Variants in GALNT14 observed in about 807,000 individuals in gnomAD.
The protein encoded by GALNT14 is polypeptide N-acetylgalactosaminyltransferase 14.
Under a neutral mutation model 77.5 loss-of-function variants are expected in GALNT14, and 60 were observed. The ratio of observed to expected loss-of-function variants is 0.77; its 90% CI spans 0.63 to 0.96. The LOEUF is 0.96. Among genes scored for constraint, GALNT14 ranks in the 40% least tolerant of loss-of-function variants. GALNT14 has a pLI of 0.00. For missense variants in GALNT14, 710 were observed against 731.0 expected (o/e 0.97, Z 0.33); for synonymous variants, 280 against 281.7 (o/e 0.99, Z 0.06).
chr2:31,100,921 T>C (rs1677242457), intron 1 of GALNT14, among the ~76,000 whole-genome samples: 1 of 152,072 alleles, frequency 6.6e-6, no homozygotes, highest in African/African-American at 2.4e-5. Context: ...CCCTATTTTA[T>C]AATGGAGTGT....
intron 13 of GALNT14, among the ~76,000 whole-genome samples, chr2:30,914,400 C>T (rs1446731852): frequency 2.0e-5 from 3 of 152,126 alleles, no homozygotes; most frequent in African/African-American, 7.2e-5. Flanking sequence ...ACATTAAAAC[C>T]AAAGATCAGC....
intron 1 of GALNT14, among the ~76,000 whole-genome samples, chr2:31,082,164 G>C (rs1253077193): frequency 6.6e-6 from 1 of 152,242 alleles, no homozygotes; most frequent in African/African-American, 2.4e-5. Flanking sequence ...AAATCGGGCA[G>C]AGTCCTGGGA....
chr2:31,048,363 G>T (rs1573239700), intron 1 of GALNT14, among the ~76,000 whole-genome samples: 2 of 152,310 alleles, frequency 1.3e-5, no homozygotes, highest in African/African-American at 4.8e-5. Context: ...ATGTGCACCA[G>T]CCACTTCTCC....
intron 1 of GALNT14, among the ~76,000 whole-genome samples, chr2:31,040,562 G>A (rs1191264180): frequency 1.3e-5 from 2 of 152,210 alleles, no homozygotes; most frequent in African/African-American, 4.8e-5. Context: ...CTCCCAGCCT[G>A]AGTTCTCAAG....
At chr2:31,061,390 C>T (rs1320387928) in intron 1 of GALNT14, among the ~76,000 whole-genome samples, 1 of 152,130 alleles carries the variant, frequency 6.6e-6, no homozygotes, top group Non-Finnish European at 1.5e-5. Context: ...CTCTTCCTCT[C>T]TCTCATTTAA....
At chr2:30,909,573 A>G (rs1374955652), downstream of GALNT14, among the ~76,000 whole-genome samples, 1 of 150,864 alleles carries the variant, frequency 6.6e-6, no homozygotes, top group Non-Finnish European at 1.5e-5. Flanking sequence ...GGTGCTGGAG[A>G]GGATGTGGAG....
At chr2:31,089,657 G>A (rs1433414391) in intron 1 of GALNT14, among the ~76,000 whole-genome samples, 1 of 152,098 alleles carries the variant, frequency 6.6e-6, no homozygotes, top group Admixed American at 6.5e-5. Context: ...AGAAAGCAGA[G>A]GGTTATTTTC....
chr2:31,041,106 T>C (rs150303842), intron 1 of GALNT14, among the ~76,000 whole-genome samples: 47 of 152,146 alleles, frequency 3.1e-4, no homozygotes, highest in African/African-American at 1.1e-3. Context: ...GCAGCACGTG[T>C]CAATAATAAA....
chr2:30,955,692 T>A lies in GALNT14; in HGVS notation c.580A>T (p.Thr194Ser), dbSNP rs766279646. Reference protein sequence around the residue: ...IRGADIAQGTTLTFLDSHCEV... With the variant: ...IRGADIAQGTSLTFLDSHCEV... ...CAGTGGCTGTCGAGGAAAGTCAGAG[T>A]GGTGCCCTGGGCGATGTCAGCGCCC... is the stretch of plus-strand genomic sequence containing the variant. The change falls in exon 6 of 15, where the codon ACT (threonine) becomes TCT (serine). Residue 194 changes from threonine to serine, a missense_variant. Coordinates refer to ENST00000349752, the MANE Select transcript of GALNT14 (RefSeq NM_024572.4). 1.2e-5 allele frequency: 19 copies of A among 1,614,020 alleles called. No individual in the cohort carries two copies. Among genetic ancestry groups the A allele is most frequent in the Non-Finnish European group, 1.4e-5 (17 of 1,180,034 alleles).
chr2:31,090,791 G>C (rs372177381), intron 1 of GALNT14, among the ~76,000 whole-genome samples: 1 of 151,292 alleles, frequency 6.6e-6, no homozygotes, highest in Non-Finnish European at 1.5e-5. Context: ...AAGATGAAGG[G>C]AAGGCAGTCC....
intron 13 of GALNT14, 152 bp from the exon 14 acceptor site, chr2:30,912,494 G>A: frequency 1.2e-6 from 1 of 866,856 alleles, no homozygotes; most frequent in Non-Finnish European, 1.8e-6. Flanking sequence ...CTTGGAAAAT[G>A]CTACTCAAGT....
chr2:30,933,885 A>G (rs1665895292), intron 9 of GALNT14, among the ~76,000 whole-genome samples: 1 of 152,220 alleles, frequency 6.6e-6, no homozygotes, highest in Non-Finnish European at 1.5e-5. Context: ...ATCAAATAGA[A>G]TTTTGAGAAC....
At chr2:31,025,137 T>G (rs1233139705) in intron 1 of GALNT14, among the ~76,000 whole-genome samples, 1 of 152,246 alleles carries the variant, frequency 6.6e-6, no homozygotes. Flanking sequence ...TTGGGTTAGG[T>G]GCTTCACATG....
At chr2:30,887,603 A>C in the GALNT14 span, among the ~76,000 whole-genome samples, 1 of 152,210 alleles carries the variant, frequency 6.6e-6, no homozygotes, top group East Asian at 1.9e-4. Flanking sequence ...AAAGTTCTTT[A>C]TATATTCTGG....
the GALNT14 span, among the ~76,000 whole-genome samples, chr2:30,897,616 G>C: frequency 1.3e-5 from 2 of 152,324 alleles, no homozygotes; most frequent in East Asian, 1.9e-4. Flanking sequence ...CCCGCCTCCA[G>C]GTCCTTTTGT....
intron 11 of GALNT14, among the ~76,000 whole-genome samples, chr2:30,925,857 G>C (rs1334428892): frequency 6.6e-6 from 1 of 152,184 alleles, no homozygotes; most frequent in Non-Finnish European, 1.5e-5. Flanking sequence ...GATGGGCAAA[G>C]CTGGGGCCAG....
chr2:31,116,181 T>C (rs1678099028), intron 1 of GALNT14, among the ~76,000 whole-genome samples: 1 of 152,084 alleles, frequency 6.6e-6, no homozygotes, highest in Admixed American at 6.6e-5. Flanking sequence ...TATAGTAAGA[T>C]GTCCAAATTA....
intron 9 of GALNT14, among the ~76,000 whole-genome samples, chr2:30,935,341 T>C (rs1665988749): frequency 6.6e-6 from 1 of 152,052 alleles, no homozygotes; most frequent in Non-Finnish European, 1.5e-5. Context: ...GAAACCAACT[T>C]CAAGGCACTC....
In GALNT14 at chr2:30,966,382, G is replaced by C. The variant is rs1053856883; in HGVS notation, c.300-80C>G. 25 of 1,014,510 alleles carry C rather than the reference G, an allele frequency of 2.5e-5. No homozygotes were observed. The African/African-American group carries it at 3.0e-4, about 12-fold the overall frequency. 62.8% of individuals were successfully genotyped at this position (1,014,510 alleles called of 1,614,324 possible). A position where few individuals can be genotyped will look rare whatever the true frequency, so the allele number is the denominator to read the frequency against. ...GAGGGCTAGAACCGAGGGCATCTGGGTGGGCATCCCTATGCCAGATGCTTG... is the reference window on the plus strand; with the variant it reads ...GAGGGCTAGAACCGAGGGCATCTGGCTGGGCATCCCTATGCCAGATGCTTG... On this transcript the variant is annotated intron_variant, in intron 2 of 14. Coordinates refer to ENST00000349752, the MANE Select transcript of GALNT14 (RefSeq NM_024572.4).
Sources: allele counts gnomAD v4.1 joint callset (sites outside exome capture counted in the v4.1 genomes callset), GRCh38; gene constraint gnomAD v4.1.1; transcripts MANE v1.5; gene names NCBI Gene and HGNC (gene_info 2026-07-23, HGNC 2026-07-21).